The following HLCS variants were observed in gnomAD, a reference collection of about 807,000 sequenced individuals.
HLCS encodes the protein holocarboxylase synthetase.
HLCS carries 53 observed loss-of-function variants against 75.0 expected under a neutral mutation model. The ratio of observed to expected loss-of-function variants is 0.71; its 90% confidence interval spans 0.57 to 0.89. The LOEUF is 0.89. Among genes scored for constraint, HLCS ranks in the 40% least tolerant of loss-of-function variants. HLCS has a pLI of 0.00. For synonymous variants in HLCS, 431 were observed against 428.6 expected, an observed-to-expected ratio of 1.01 and a Z score of -0.07; for missense variants, 966 against 1,074.0, an observed-to-expected ratio of 0.90 and a Z score of 1.41.
At chr21:36,950,389 A>C (rs2067614159) in intron 2 of HLCS, among the ~76,000 whole-genome samples, 2 of 152,206 alleles carry the variant, frequency 1.3e-5, no homozygotes, top group Non-Finnish European at 2.9e-5. Context: ...AATAAGTGGA[A>C]CATACGTGCA....
chr21:36,933,722 A>G (rs1237874419), intron 4 of HLCS, among the ~76,000 whole-genome samples: 1 of 152,176 alleles, frequency 6.6e-6, no homozygotes, highest in Non-Finnish European at 1.5e-5. Context: ...TAACCCTTAC[A>G]GGTGGCAGAA....
intron 2 of HLCS, chr21:36,947,988 G>A (rs1382551144): frequency 1.0e-6 from 1 of 985,288 alleles, no homozygotes; most frequent in African/African-American, 1.7e-5. Context: ...GAAACGCAGA[G>A]GTAAAGAATT....
rs376898721 is a variant in HLCS at position 36,754,392 on chromosome 21, C to T, written c.2476G>A (p.Ala826Thr). 3.2e-5 allele frequency: 52 copies of T among 1,613,274 alleles called. No homozygotes were observed. Among genetic ancestry groups the T allele is most frequent in the Middle Eastern group, 1.6e-4 (1 of 6,082 alleles). ...ACGATGGACACCTTTGGTCCCTCTGCGCTGCCCAGATGGACTTGCTGACCA... is the reference window on the plus strand; with the variant it reads ...ACGATGGACACCTTTGGTCCCTCTGTGCTGCCCAGATGGACTTGCTGACCA... ...HSGQQVHLGS[A>T]EGPKVSIVGL... Residue 826 changes from alanine to threonine, a missense_variant, in exon 11 of 11, where the codon GCA (alanine) becomes ACA (threonine). Transcript: ENST00000674895.
chr21:36,836,125 G>GA (rs144669558), intron 6 of HLCS, among the ~76,000 whole-genome samples: 10,065 of 151,982 alleles, frequency 0.066, 473 homozygotes, highest in Non-Finnish European at 0.093. Context: ...AGTCCCCCGA[G>GA]AAAATCTCCT....
chr21:36,776,009 G>A (rs1186631073), intron 6 of HLCS, among the ~76,000 whole-genome samples: 3 of 152,130 alleles, frequency 2.0e-5, no homozygotes, highest in Non-Finnish European at 4.4e-5. Flanking sequence ...ACAGACAAGA[G>A]GACACAGTCT....
intron 1 of HLCS, among the ~76,000 whole-genome samples, chr21:36,983,197 T>C (rs13048262): frequency 1.3e-5 from 2 of 152,010 alleles, no homozygotes; most frequent in African/African-American, 4.8e-5. Context: ...TATTTTCTTC[T>C]TTTTTAATGT....
At chr21:36,813,092 C>A (rs185963453) in intron 6 of HLCS, among the ~76,000 whole-genome samples, 2 of 152,112 alleles carry the variant, frequency 1.3e-5, no homozygotes, top group African/African-American at 4.8e-5. Flanking sequence ...CTACCAGAAG[C>A]CTTGGGTCCC....
intron 1 of HLCS, chr21:36,972,321 A>T (rs1395083193): frequency 6.6e-6 from 1 of 152,114 alleles, no homozygotes; most frequent in Non-Finnish European, 1.5e-5. Flanking sequence ...TAATTTTTTT[A>T]TTATTATTTT....
intron 5 of HLCS, among the ~76,000 whole-genome samples, chr21:36,929,832 C>T (rs887288580): frequency 6.6e-6 from 1 of 152,248 alleles, no homozygotes; most frequent in Non-Finnish European, 1.5e-5. Flanking sequence ...TCAGACACGA[C>T]TCACAGACGT....
chr21:36,796,320 A>AC (rs2061023238), intron 6 of HLCS, among the ~76,000 whole-genome samples: 1 of 152,362 alleles, frequency 6.6e-6, no homozygotes, highest in African/African-American at 2.4e-5. Context: ...ATAATACATA[A>AC]CATATGGGTG....
chr21:36,859,169 T>A (rs1003826264), intron 6 of HLCS, among the ~76,000 whole-genome samples: 1 of 152,154 alleles, frequency 6.6e-6, no homozygotes, highest in Non-Finnish European at 1.5e-5. Context: ...ATTACAGGCG[T>A]GTGCCACCAA....
At chr21:36,922,588 G>A (rs1364586383) in intron 5 of HLCS, among the ~76,000 whole-genome samples, 1 of 152,198 alleles carries the variant, frequency 6.6e-6, no homozygotes, top group Non-Finnish European at 1.5e-5. Flanking sequence ...CCAGGAGAAA[G>A]TGCCTGAGGG....
intron 3 of HLCS, 57 bp from the exon 4 acceptor site, chr21:36,937,449 CAT>C: frequency 1.4e-6 from 2 of 1,392,742 alleles, no homozygotes; most frequent in Non-Finnish European, 2.0e-6. Flanking sequence ...TTGTATGACA[CAT>C]AGCTCATCTC....
chr21:36,956,033 A>T (rs1302494046), intron 2 of HLCS, among the ~76,000 whole-genome samples: 7 of 152,206 alleles, frequency 4.6e-5, no homozygotes, highest in Admixed American at 1.3e-4. Context: ...TTGTATAAGT[A>T]CACTCTATGA....
At chr21:36,758,535 G>A (rs1454888480) in intron 9 of HLCS, among the ~76,000 whole-genome samples, 4 of 152,168 alleles carry the variant, frequency 2.6e-5, no homozygotes, top group Non-Finnish European at 4.4e-5. Flanking sequence ...CCTCAGTCTC[G>A]CAAGTAGCTG....
At chr21:36,880,281 A>G (rs995625556) in intron 6 of HLCS, among the ~76,000 whole-genome samples, 2 of 152,218 alleles carry the variant, frequency 1.3e-5, no homozygotes, top group Admixed American at 6.5e-5. Context: ...AAACATGCTC[A>G]TATTTTGCAA....
chr21:36,814,364 G>GA (rs1413599877), intron 6 of HLCS, among the ~76,000 whole-genome samples: 2 of 152,146 alleles, frequency 1.3e-5, no homozygotes, highest in African/African-American at 4.8e-5. Flanking sequence ...ATTTCACAAA[G>GA]AAAAATACAG....
chr21:36,860,079 G>A (rs186729466), intron 6 of HLCS, among the ~76,000 whole-genome samples: 79 of 152,346 alleles, frequency 5.2e-4, no homozygotes, highest in African/African-American at 1.6e-3. Context: ...CTGCATGTGT[G>A]CACACACGAA....
At chr21:36,874,424 T>C (rs1185556827) in intron 6 of HLCS, among the ~76,000 whole-genome samples, 1 of 151,428 alleles carries the variant, frequency 6.6e-6, no homozygotes, top group African/African-American at 2.4e-5. Flanking sequence ...TAAAATAAAA[T>C]AAAATAAAAT....
Sources: allele counts gnomAD v4.1 joint callset (sites outside exome capture counted in the v4.1 genomes callset), GRCh38; gene constraint gnomAD v4.1.1; transcripts MANE v1.5; gene names NCBI Gene and HGNC (gene_info 2026-07-23, HGNC 2026-07-21).